UNC13C: variants seen among roughly 807,000 people sequenced by gnomAD.
UNC13C encodes the protein protein unc-13 homolog C.
A neutral mutation model predicts 245.4 loss-of-function variants in UNC13C; 174 were observed. That is an observed-to-expected ratio of 0.71 (90% CI 0.63 to 0.80). UNC13C has a LOEUF of 0.80. UNC13C is among the 30% of genes least tolerant of loss of function. The probability of loss-of-function intolerance (pLI) is 0.00; values close to 1 mark genes in which losing one functional copy is unlikely to be tolerated. For synonymous variants in UNC13C, 992 were observed against 895.1 expected (o/e 1.11, Z -1.93); for missense variants, 2,829 against 2,602.9 (o/e 1.09, Z -1.89).
At position 54,500,967 on chromosome 15, in the gene UNC13C, A is replaced by G. The variant is rs762512471; in HGVS notation, c.5290A>G (p.Arg1764Gly). ...TGAAGCATTATCTCACTTAATGAGAAGATTTGCAAAGGTAGGTTAAATAAA... is the reference window on the plus strand; with the variant it reads ...TGAAGCATTATCTCACTTAATGAGAGGATTTGCAAAGGTAGGTTAAATAAA... ...NPEALSHLMR[R>G]FAKTINKVLL... The change falls in exon 22 of 33, where the codon AGA becomes GGA. Residue 1764 changes from arginine (R) to glycine (G), a missense_variant. Physicochemically the swap from Arg to Gly is moderately radical, Grantham distance 125. Transcript: ENST00000260323. 3 of 1,612,316 alleles carry G rather than the reference A, an allele frequency of 1.9e-6. No homozygotes were observed. Among genetic ancestry groups the G allele is most frequent in the South Asian group, 2.2e-5 (2 of 90,900 alleles).
At chr15:54,449,634 T>A (rs1257309999) in intron 19 of UNC13C, among the ~76,000 whole-genome samples, 1 of 152,222 alleles carries the variant, frequency 6.6e-6, no homozygotes, top group Non-Finnish European at 1.5e-5. Flanking sequence ...ATCAGGTCCT[T>A]TAAGGACTTC....
At chr15:54,479,508 T>G (rs2141059801) in intron 19 of UNC13C, among the ~76,000 whole-genome samples, 1 of 152,266 alleles carries the variant, frequency 6.6e-6, no homozygotes, top group African/African-American at 2.4e-5. Flanking sequence ...CAGTCAGATT[T>G]TTTTAAATCC....
At chr15:53,956,942 CTG>C in the UNC13C span, among the ~76,000 whole-genome samples, 1 of 144,346 alleles carries the variant, frequency 6.9e-6, no homozygotes, top group African/African-American at 2.6e-5. Context: ...CATGGCAGCT[CTG>C]CATGTCCAAG....
In UNC13C at chr15:54,143,059, T is replaced by G; in HGVS notation, c.3006+19T>G. The stretch of plus-strand genomic sequence containing the variant: ...TGAAAAGGTTTTAAATCATACTTAT[T>G]CTTCCCTCCTGAGGAATCTTGTCTT... On this transcript the variant is annotated intron_variant, in intron 3 of 32. Transcript: ENST00000260323. 1.2e-6 allele frequency: 2 copies of G among 1,605,904 alleles called. No individual in the cohort carries two copies. The highest frequency in any genetic ancestry group is 3.3e-5 in the Admixed American group (2 of 60,008).
At chr15:54,543,954 C>A (rs1374583979) in intron 26 of UNC13C, among the ~76,000 whole-genome samples, 1 of 152,134 alleles carries the variant, frequency 6.6e-6, no homozygotes, top group Non-Finnish European at 1.5e-5. Context: ...ATGAAGCCAG[C>A]ATCATCCTGA....
At chr15:54,396,899 G>A (rs958979771) in intron 18 of UNC13C, among the ~76,000 whole-genome samples, 5 of 149,824 alleles carry the variant, frequency 3.3e-5, no homozygotes, top group African/African-American at 7.3e-5. Context: ...AAGTTGTAAA[G>A]GTCTATACTA....
chr15:54,229,067 C>G (rs1255070771), intron 4 of UNC13C, among the ~76,000 whole-genome samples: 1 of 152,186 alleles, frequency 6.6e-6, no homozygotes, highest in Non-Finnish European at 1.5e-5. Flanking sequence ...GGTGTAAATG[C>G]TCCTTCTGTG....
chr15:54,348,064 T>G (rs1270084613), intron 17 of UNC13C, among the ~76,000 whole-genome samples: 1 of 152,182 alleles, frequency 6.6e-6, no homozygotes, highest in Non-Finnish European at 1.5e-5. Context: ...TTTTTAAAGC[T>G]CAATATTAAT....
At chr15:54,209,270 T>C (rs1050227459) in intron 4 of UNC13C, among the ~76,000 whole-genome samples, 1 of 152,148 alleles carries the variant, frequency 6.6e-6, no homozygotes, top group Non-Finnish European at 1.5e-5. Context: ...TTAACTTTAT[T>C]TGATATTTGC....
the UNC13C span, among the ~76,000 whole-genome samples, chr15:53,871,488 C>T: frequency 6.6e-6 from 1 of 152,202 alleles, no homozygotes; most frequent in African/African-American, 2.4e-5. Context: ...ATCACCTTCT[C>T]TTTTCTTGTC....
intron 1 of UNC13C, among the ~76,000 whole-genome samples, chr15:54,000,087 G>T (rs551058698): frequency 6.6e-6 from 1 of 152,078 alleles, no homozygotes; most frequent in African/African-American, 2.4e-5. Context: ...TTACTTCAAA[G>T]ACAGCTAAAT....
At chr15:54,600,741 T>C (rs770919279) in intron 30 of UNC13C, among the ~76,000 whole-genome samples, 1 of 152,102 alleles carries the variant, frequency 6.6e-6, no homozygotes, top group Admixed American at 6.6e-5. Flanking sequence ...TTTCATACCT[T>C]AAGAAAACCC....
chr15:54,204,592 T>C (rs1026962383), intron 4 of UNC13C, among the ~76,000 whole-genome samples: 3 of 152,024 alleles, frequency 2.0e-5, no homozygotes, highest in Admixed American at 6.6e-5. Flanking sequence ...TCTCAACAAA[T>C]TGTTTTTATT....
intron 2 of UNC13C, among the ~76,000 whole-genome samples, chr15:54,100,823 T>C (rs1303778678): frequency 1.3e-5 from 2 of 152,128 alleles, no homozygotes; most frequent in Non-Finnish European, 2.9e-5. Flanking sequence ...ACTGACCACA[T>C]GGATTTTTTA....
chr15:54,253,703 C>T (rs2036210449), intron 8 of UNC13C, among the ~76,000 whole-genome samples: 1 of 152,182 alleles, frequency 6.6e-6, no homozygotes, highest in South Asian at 2.1e-4. Flanking sequence ...CTTGCTGTAG[C>T]ACCTCAGTGG....
intron 13 of UNC13C, among the ~76,000 whole-genome samples, chr15:54,315,750 T>A (rs918850811): frequency 2.0e-5 from 3 of 151,946 alleles, no homozygotes; most frequent in Middle Eastern, 6.8e-3. Flanking sequence ...TTCAATTTTT[T>A]TCAATTTTTA....
intron 2 of UNC13C, among the ~76,000 whole-genome samples, chr15:54,101,277 A>G (rs779393341): frequency 2.0e-5 from 3 of 151,846 alleles, no homozygotes; most frequent in Non-Finnish European, 2.9e-5. Flanking sequence ...AAATTTCTTG[A>G]TTCACAGGCT....
Position 54,052,978 on chromosome 15 carries a change from C to G in UNC13C, c.2983+37092C>G, listed in dbSNP as rs551893948. Reference sequence around the variant, plus strand: ...TTAATAAATTTAGAAATCCAGTTGACTCTTAAATTTTCTTATTATTGTTAT... The same window carrying G: ...TTAATAAATTTAGAAATCCAGTTGAGTCTTAAATTTTCTTATTATTGTTAT... On this transcript the variant is annotated intron_variant, in intron 2 of 32. Transcript: ENST00000260323. Among the ~76,000 whole-genome samples, 3 of 152,224 alleles carry G rather than the reference C, an allele frequency of 2.0e-5. No individual in the cohort carries two copies. The South Asian group carries it at 6.2e-4, about 32-fold the overall frequency.
chr15:54,121,618 C>A (rs1285775274), intron 2 of UNC13C, among the ~76,000 whole-genome samples: 2 of 151,980 alleles, frequency 1.3e-5, no homozygotes, highest in African/African-American at 4.8e-5. Flanking sequence ...TTTAATAGGG[C>A]AATGATGCTC....
Sources: gnomAD v4.1 joint callset for allele counts (sites outside exome capture counted in the v4.1 genomes callset) on GRCh38, gnomAD v4.1.1 for gene constraint, MANE v1.5 for transcripts, NCBI Gene and HGNC (gene_info 2026-07-23, HGNC 2026-07-21) for gene names.